Variants in LACC1 observed in about 807,000 individuals in gnomAD.
LACC1 encodes laccase domain multifunctional purine nucleosidase 1.
A neutral mutation model predicts 34.8 loss-of-function variants in LACC1; 25 were observed. The observed-to-expected ratio is 0.72, with a 90% confidence interval of 0.52 to 1.00. The LOEUF is 1.00. LACC1 is among the 50% of genes least tolerant of loss of function. The pLI, the probability that LACC1 is intolerant of heterozygous loss-of-function variation, is 0.00. For synonymous variants in LACC1, 162 were observed against 168.0 expected, an observed-to-expected ratio of 0.96 and a Z score of 0.28; for missense variants, 426 against 511.2, an observed-to-expected ratio of 0.83 and a Z score of 1.61.
intron 1 of LACC1, among the ~76,000 whole-genome samples, chr13:43,880,491 A>G (rs1344676802): frequency 6.6e-6 from 1 of 152,222 alleles, no homozygotes; most frequent in Non-Finnish European, 1.5e-5. Flanking sequence ...TAGCCATCTC[A>G]GCTTTTATCA....
rs370286840 is a variant in LACC1, at chr13:43,888,768, A to G, written c.919A>G (p.Thr307Ala). The change falls in exon 5 of 7, where the codon ACT (threonine) becomes GCT (alanine). Residue 307 changes from threonine (T) to alanine (A), a missense_variant. Physicochemically the swap from Thr to Ala is moderately conservative, Grantham distance 58 (BLOSUM62 0). Around this residue, in one of 2 missense-constraint regions of LACC1, gnomAD observed 209 missense variants for 300.3 expected, o/e 0.70. Transcript: ENST00000325686. Reference sequence around the variant, plus strand: ...TTCCTATTTACCAGGTTGGAAAGGTACTTTGTTGGGTGTTGCTATGGCTAC... The same window carrying G: ...TTCCTATTTACCAGGTTGGAAAGGTGCTTTGTTGGGTGTTGCTATGGCTAC... ...CGVAHAGWKG[T>A]LLGVAMATVN... 1 of 1,613,332 alleles carries G rather than the reference A, an allele frequency of 6.2e-7. No individual in the cohort carries two copies. Among genetic ancestry groups the G allele is most frequent in the African/African-American group, 1.3e-5 (1 of 74,898 alleles).
At chr13:43,889,251 A>C (rs1353588368) in intron 5 of LACC1, among the ~76,000 whole-genome samples, 1 of 152,226 alleles carries the variant, frequency 6.6e-6, no homozygotes, top group East Asian at 1.9e-4. Flanking sequence ...AGATCTACTT[A>C]AACTTCATAT....
rs1955639703 is a variant in LACC1, at chr13:43,893,464, AC to A, written c.*2018del. 1 of 152,002 alleles carries A rather than the reference AC, an allele frequency of 6.6e-6. No individual in the cohort carries two copies. Among genetic ancestry groups the A allele is most frequent in the Admixed American group, 6.5e-5 (1 of 15,272 alleles). 9.4% of individuals were successfully genotyped at this position (152,002 alleles called of 1,614,324 possible). On this transcript the variant is annotated 3_prime_UTR_variant, in exon 7 of 7. Coordinates refer to ENST00000325686, the MANE Select transcript of LACC1 (RefSeq NM_153218.4). ...CTTTTTGTTAACATAATTTATTCAT[AC>A]ATTCAGTGAAAATTTTGTTGAGGTA...
rs201512041 is a variant in LACC1 at position 43,890,268 on chromosome 13, G to T, written c.1288G>T (p.Glu430Ter). 2.0e-5 allele frequency: 32 copies of T among 1,612,510 alleles called. No individual in the cohort carries two copies. The highest frequency in any genetic ancestry group is 1.9e-4 in the African/African-American group (14 of 74,776). The part of the protein sequence containing the change: ...GTQIGFISIK[E>*] ...ACAGATTGGCTTCATATCAATTAAA[G>T]AATGAGGTACAGTAGGTTTTCTCTC... is the stretch of plus-strand genomic sequence containing the variant. Residue 430 changes from glutamate (E) to a stop codon, truncating the protein, a stop_gained, in exon 6 of 7, where the codon GAA becomes TAA. Coordinates refer to ENST00000325686, the MANE Select transcript of LACC1 (RefSeq NM_153218.4). LOFTEE classifies it high-confidence loss of function.
rs1354316712 is a variant in LACC1 at position 43,881,135 on chromosome 13, C to G, written c.150C>G (p.Ile50Met). The G allele has an allele frequency of 6.2e-7, 1 of 1,614,026 alleles. No individual in the cohort carries two copies. Among genetic ancestry groups the G allele is most frequent in the South Asian group, 1.1e-5 (1 of 91,080 alleles). Residue 50 changes from isoleucine to methionine, a missense_variant, in exon 2 of 7, where the codon ATC becomes ATG. By Grantham distance (10) the Ile-to-Met change is conservative. Coordinates refer to ENST00000325686, the MANE Select transcript of LACC1 (RefSeq NM_153218.4). ...TCTGTATAATGTGTTGCAGTAACAT[C>G]AGCTATGAAAGGGATGGAGAACAAG... ...KFLCIMCCSN[I>M]SYERDGEQDN...
chr13:43,885,213 A>G (rs902470592), intron 4 of LACC1, among the ~76,000 whole-genome samples: 1 of 152,272 alleles, frequency 6.6e-6, no homozygotes, highest in Non-Finnish European at 1.5e-5. Flanking sequence ...TGCTACTCCT[A>G]TCAAACTACC....
At chr13:43,883,180 G>T (rs1955156177) in intron 3 of LACC1, among the ~76,000 whole-genome samples, 1 of 152,172 alleles carries the variant, frequency 6.6e-6, no homozygotes, top group Non-Finnish European at 1.5e-5. Flanking sequence ...CATTATTCAA[G>T]AGCCTACTGT....
intron 4 of LACC1, 85 bp from the exon 5 acceptor site, chr13:43,888,672 C>G (rs541210688): frequency 9.9e-7 from 1 of 1,009,388 alleles, no homozygotes; most frequent in South Asian, 1.4e-5. Context: ...CAAACTAAAT[C>G]TGCTCACTTT....
chr13:43,884,069 G>A (rs924822644), intron 4 of LACC1, 133 bp downstream of exon 4: 1 of 617,280 alleles, frequency 1.6e-6, no homozygotes, highest in Non-Finnish European at 2.7e-6. Context: ...GGGAGAGGCG[G>A]CATAGTTTTA....
intron 6 of LACC1, among the ~76,000 whole-genome samples, chr13:43,890,983 G>C (rs1312889797): frequency 2.0e-5 from 3 of 152,204 alleles, no homozygotes; most frequent in Non-Finnish European, 2.9e-5. Context: ...AGGGAGCCAG[G>C]CACAGTGGCC....
At chr13:43,879,800 A>AGGCGGGGCGAGGCGGGGCGG (rs1241680078), upstream of LACC1, 286 of 77,912 alleles carry the variant, frequency 3.7e-3, 1 homozygote, top group Admixed American at 8.2e-3. Flanking sequence ...AGGCGGGGCG[A>AGGCGGGGCGAGGCGGGGCGG]GGCGAGGCGG....
At chr13:43,888,703 G>A (rs994377805) in intron 4 of LACC1, 54 bp from the exon 5 acceptor site, 34 of 1,382,178 alleles carry the variant, frequency 2.5e-5, no homozygotes, top group Non-Finnish European at 3.1e-5. Flanking sequence ...ATAAATTCAG[G>A]TGAAATTTTT....
chr13:43,881,970 G>T (rs1348618776), intron 2 of LACC1, among the ~76,000 whole-genome samples: 1 of 152,182 alleles, frequency 6.6e-6, no homozygotes, highest in African/African-American at 2.4e-5. Context: ...AACAAAGCCA[G>T]ATGAGACACA....
intron 3 of LACC1, among the ~76,000 whole-genome samples, chr13:43,882,564 G>GATATATATAT (rs56292789): frequency 0.067 from 9,272 of 138,864 alleles, 400 homozygotes; most frequent in Admixed American, 0.089. Flanking sequence ...CACACGTGCA[G>GATATATATAT]ATATATATAT....
rs750671507 is a variant in LACC1, at chr13:43,881,246, T to G, written c.261T>G (p.Thr87=). 2 of 1,614,202 alleles carry G rather than the reference T, an allele frequency of 1.2e-6. No homozygotes were observed. Among genetic ancestry groups the G allele is most frequent in the Admixed American group, 3.3e-5 (2 of 60,034 alleles). Residue 87 remains threonine (T), a synonymous_variant, in exon 2 of 7, where the codon ACT becomes ACG. Coordinates refer to ENST00000325686, the MANE Select transcript of LACC1 (RefSeq NM_153218.4). ...EIVSCPSMAA[T]LYTIKQKIDE... ...TTAGCTGTCCCAGCATGGCTGCCAC[T>G]TTGTATACCATTAAACAGAAAATTG...
At chr13:43,882,974 C>T (rs1779722850) in intron 3 of LACC1, among the ~76,000 whole-genome samples, 1 of 152,224 alleles carries the variant, frequency 6.6e-6, no homozygotes, top group South Asian at 2.1e-4. Flanking sequence ...CACACACACA[C>T]GTACTCATGC....
intron 5 of LACC1, among the ~76,000 whole-genome samples, chr13:43,889,268 G>A (rs1955465603): frequency 6.6e-6 from 1 of 152,126 alleles, no homozygotes; most frequent in Non-Finnish European, 1.5e-5. Flanking sequence ...ATATAGAAAA[G>A]TTGGCGTGTA....
upstream of LACC1, chr13:43,879,615 GGCGGCCCT>G (rs1334883451): frequency 6.6e-6 from 1 of 152,334 alleles, no homozygotes; most frequent in Non-Finnish European, 1.5e-5. Context: ...AAGCACGCCA[GGCGGCCCT>G]GGCCTACCTC....
chr13:43,889,926 A>G (rs1955496433), intron 5 of LACC1, 188 bp from the exon 6 acceptor site: 1 of 542,756 alleles, frequency 1.8e-6, no homozygotes, highest in Admixed American at 3.4e-5. Flanking sequence ...CTTAGGTGAT[A>G]AATGCTGATA....
Sources: gnomAD v4.1 joint callset for allele counts (sites outside exome capture counted in the v4.1 genomes callset) on GRCh38, gnomAD v4.1.1 for gene constraint, gnomAD v4.1.1 regional missense constraint, MANE v1.5 for transcripts, NCBI Gene and HGNC (gene_info 2026-07-23, HGNC 2026-07-21) for gene names.